The following GABBR2 variants were observed in gnomAD, a reference collection of about 807,000 sequenced individuals.
The protein encoded by GABBR2 is G-protein coupled receptor 51.
In GABBR2, 23 loss-of-function variants were observed where a neutral mutation model predicts 105.6. The observed-to-expected ratio is 0.22, with a 90% CI of 0.16 to 0.31. The LOEUF (loss-of-function observed/expected upper bound fraction) is 0.31. GABBR2 is among the 10% of genes least tolerant of loss of function. The probability of loss-of-function intolerance (pLI) is 1.00; values close to 1 mark genes in which losing one functional copy is unlikely to be tolerated. For missense variants in GABBR2, 734 were observed against 1,245.5 expected (o/e 0.59, Z 6.18); for synonymous variants, 478 against 499.7 (o/e 0.96, Z 0.58).
intron 7 of GABBR2, among the ~76,000 whole-genome samples, chr9:98,416,087 A>G (rs1056440313): frequency 1.3e-5 from 2 of 152,088 alleles, no homozygotes; most frequent in African/African-American, 4.8e-5. Flanking sequence ...GTGTTTGCCA[A>G]TTTCCGTGGT....
intron 1 of GABBR2, among the ~76,000 whole-genome samples, chr9:98,637,742 G>T (rs901749044): frequency 6.6e-6 from 1 of 152,164 alleles, no homozygotes; most frequent in African/African-American, 2.4e-5. Context: ...GTCCCCTAAA[G>T]CCTCCAGAAG....
chr9:98,580,499 C>T (rs935727475), intron 1 of GABBR2, among the ~76,000 whole-genome samples: 2 of 152,200 alleles, frequency 1.3e-5, no homozygotes, highest in African/African-American at 4.8e-5. Flanking sequence ...TCAGTAAGAT[C>T]TGTTGGGGCC....
In GABBR2 at chr9:98,357,397, C is replaced by T. The variant is rs115014163; in HGVS notation, c.1893+5318G>A. On this transcript the variant is annotated intron_variant, in intron 13 of 18. Transcript: ENST00000259455. ...GCATGGTGGCTCATTCCTGTCATCG[C>T]GGCACTTTGGGAGGCCAGGGCAGGT... Among the ~76,000 whole-genome samples, 368 of 152,238 alleles carry T rather than the reference C, an allele frequency of 2.4e-3. 3 individuals are homozygous for T. The highest frequency in any genetic ancestry group is 8.4e-3 in the African/African-American group (351 of 41,544).
At chr9:98,397,342 T>C (rs551071847) in intron 8 of GABBR2, among the ~76,000 whole-genome samples, 1 of 152,294 alleles carries the variant, frequency 6.6e-6, no homozygotes, top group South Asian at 2.1e-4. Flanking sequence ...TTTCATTCAT[T>C]CATTCAACAA....
chr9:98,635,730 G>C (rs1211376191), intron 1 of GABBR2, among the ~76,000 whole-genome samples: 1 of 152,134 alleles, frequency 6.6e-6, no homozygotes, highest in Non-Finnish European at 1.5e-5. Flanking sequence ...CAAGGAATGA[G>C]GACAAGTTCA....
Position 98,361,603 on chromosome 9 carries a change from C to A in GABBR2, c.1893+1112G>T, listed in dbSNP as rs549744831. 2.4e-3 allele frequency among the ~76,000 whole-genome samples: 361 copies of A among 152,254 alleles called. 3 individuals carry two copies. Among genetic ancestry groups the A allele is most frequent in the African/African-American group, 8.1e-3 (337 of 41,550 alleles). On this transcript the variant is annotated intron_variant, in intron 13 of 18. Transcript: ENST00000259455. ...TGCAGGGTGAATGGTGACCAGATGTCCCCCCGTCCAAAAATAGCCTGTCTG... is the reference window on the plus strand; with the variant it reads ...TGCAGGGTGAATGGTGACCAGATGTACCCCCGTCCAAAAATAGCCTGTCTG...
intron 13 of GABBR2, among the ~76,000 whole-genome samples, chr9:98,322,606 C>T (rs937328218): frequency 8.0e-4 from 26 of 32,582 alleles, no homozygotes; most frequent in African/African-American, 3.8e-3. Context: ...ATGATCTGAC[C>T]CCCCCATACC....
At chr9:98,538,666 GCCCCTCCACCA>G in intron 3 of GABBR2, 1 of 844,346 alleles carries the variant, frequency 1.2e-6, no homozygotes, top group Non-Finnish European at 1.4e-6. Context: ...TGGGAGTAAA[GCCCCTCCACCA>G]CCCCCTCCGA....
chr9:98,677,028 C>T (rs1450564704), intron 1 of GABBR2, among the ~76,000 whole-genome samples: 1 of 152,182 alleles, frequency 6.6e-6, no homozygotes, highest in African/African-American at 2.4e-5. Flanking sequence ...GATGGCCATC[C>T]ACTCAAGCTA....
intron 1 of GABBR2, among the ~76,000 whole-genome samples, chr9:98,685,278 G>C (rs1001206500): frequency 6.6e-6 from 1 of 152,190 alleles, no homozygotes; most frequent in South Asian, 2.1e-4. Context: ...TCAGGCCTTC[G>C]GCCACAGACT....
At chr9:98,408,286 C>T (rs1021301900) in intron 7 of GABBR2, among the ~76,000 whole-genome samples, 13 of 152,170 alleles carry the variant, frequency 8.5e-5, no homozygotes, top group African/African-American at 2.4e-4. Context: ...CCAAACAACA[C>T]GAGACACTGT....
chr9:98,641,389 C>T (rs1459203712), intron 1 of GABBR2, among the ~76,000 whole-genome samples: 10 of 151,690 alleles, frequency 6.6e-5, no homozygotes, highest in Admixed American at 1.3e-4. Context: ...CCGCCCACCT[C>T]GGCCTCCCAA....
At chr9:98,354,876 A>T (rs1158311566) in intron 13 of GABBR2, among the ~76,000 whole-genome samples, 1 of 152,170 alleles carries the variant, frequency 6.6e-6, no homozygotes, top group Admixed American at 6.5e-5. Context: ...TCAAAACCTG[A>T]CTGTTGAGTG....
At chr9:98,383,590 C>T (rs1160804628) in intron 11 of GABBR2, among the ~76,000 whole-genome samples, 3 of 152,134 alleles carry the variant, frequency 2.0e-5, no homozygotes, top group Non-Finnish European at 4.4e-5. Flanking sequence ...ACCTCACTAC[C>T]CCCTCAGTTA....
At chr9:98,428,044 CAT>C (rs1207823936) in intron 7 of GABBR2, among the ~76,000 whole-genome samples, 1 of 152,226 alleles carries the variant, frequency 6.6e-6, no homozygotes, top group Non-Finnish European at 1.5e-5. Context: ...AGATAATAAA[CAT>C]GTATTGTTGT....
chr9:98,563,348 A>G (rs1331950912), intron 2 of GABBR2, among the ~76,000 whole-genome samples: 2 of 152,226 alleles, frequency 1.3e-5, no homozygotes, highest in East Asian at 3.9e-4. Flanking sequence ...AGAGAACAGT[A>G]ACTATCAGGC....
intron 1 of GABBR2, among the ~76,000 whole-genome samples, chr9:98,637,774 C>T (rs62563760): frequency 0.12 from 18,631 of 152,172 alleles, 1,488 homozygotes; most frequent in Non-Finnish European, 0.19. Context: ...TGCTGACACC[C>T]GGATGTTAGC....
chr9:98,350,685 T>C (rs1487641273), intron 13 of GABBR2, among the ~76,000 whole-genome samples: 1 of 152,232 alleles, frequency 6.6e-6, no homozygotes. Flanking sequence ...GAATGTTCCA[T>C]GTGTTGATGA....
chr9:98,372,124 C>T (rs921848405), intron 11 of GABBR2, among the ~76,000 whole-genome samples: 2 of 152,186 alleles, frequency 1.3e-5, no homozygotes, highest in African/African-American at 4.8e-5. Flanking sequence ...CCAAGGTGTG[C>T]CCTGACGCCT....
Sources: allele counts gnomAD v4.1 joint callset (sites outside exome capture counted in the v4.1 genomes callset), GRCh38; gene constraint gnomAD v4.1.1; transcripts MANE v1.5; gene names NCBI Gene and HGNC (gene_info 2026-07-23, HGNC 2026-07-21).